BMPR1B: variants seen among roughly 807,000 people sequenced by gnomAD.
The protein encoded by BMPR1B is bone morphogenetic protein receptor type 1B.
BMPR1B carries 12 observed loss-of-function variants against 59.1 expected under a neutral mutation model. That is an observed-to-expected ratio of 0.20 (90% CI 0.13 to 0.33). The LOEUF (loss-of-function observed/expected upper bound fraction) is 0.33. Ranked by LOEUF, BMPR1B falls within the 10% of genes least tolerant of loss-of-function variation. The pLI, the probability that BMPR1B is intolerant of heterozygous loss-of-function variation, is 1.00. For synonymous variants in BMPR1B, 237 were observed against 207.3 expected (o/e 1.14, Z -1.23); for missense variants, 550 against 610.9 (o/e 0.90, Z 1.05).
At chr4:94,946,285 A>G (rs1265907095) in intron 2 of BMPR1B, among the ~76,000 whole-genome samples, 2 of 152,202 alleles carry the variant, frequency 1.3e-5, no homozygotes, top group Non-Finnish European at 1.5e-5. Context: ...AAGAATATAA[A>G]GTATTCGTTT....
chr4:94,915,516 T>G (rs3775014), intron 2 of BMPR1B, among the ~76,000 whole-genome samples: 17,230 of 152,240 alleles, frequency 0.11, 2,171 homozygotes, highest in African/African-American at 0.31. Flanking sequence ...TAAACATAGT[T>G]TGAACAAAAG....
chr4:94,807,630 T>TTA (rs1236371458), intron 1 of BMPR1B, among the ~76,000 whole-genome samples: 7 of 152,202 alleles, frequency 4.6e-5, no homozygotes, highest in African/African-American at 1.7e-4. Flanking sequence ...AGAAAGTTAA[T>TTA]TCAGTCTAGG....
intron 2 of BMPR1B, among the ~76,000 whole-genome samples, chr4:94,983,622 C>T (rs930628104): frequency 6.6e-5 from 10 of 152,148 alleles, no homozygotes; most frequent in African/African-American, 2.4e-4. Context: ...CTGTTACCAC[C>T]ACTTAAGGCC....
intron 3 of BMPR1B, among the ~76,000 whole-genome samples, chr4:95,089,577 G>C (rs1197706410): frequency 6.6e-6 from 1 of 152,138 alleles, no homozygotes; most frequent in Non-Finnish European, 1.5e-5. Flanking sequence ...AGTGCTTTAG[G>C]AGAATGTTTT....
At position 95,154,555 on chromosome 4, in the gene BMPR1B, G is replaced by A; in HGVS notation, c.1391G>A (p.Arg464Lys). The A allele has an allele frequency of 6.2e-7, 1 of 1,614,096 alleles. No individual in the cohort carries two copies. The highest frequency in any genetic ancestry group is 8.5e-7 in the Non-Finnish European group (1 of 1,179,974). ...PNRWSSDECL[R>K]QMGKLMTECW... ...AACATTTCTCTTCCTCAGTGTCTAAGGCAGATGGGAAAACTCATGACAGAA... is the reference window on the plus strand; with the variant it reads ...AACATTTCTCTTCCTCAGTGTCTAAAGCAGATGGGAAAACTCATGACAGAA... The change falls in exon 13 of 13, where the codon AGG becomes AAG. Residue 464 changes from arginine (R) to lysine (K), a missense_variant. Coordinates refer to ENST00000515059, the MANE Select transcript of BMPR1B (RefSeq NM_001203.3).
chr4:94,759,910 C>T (rs1321416310), intron 1 of BMPR1B, among the ~76,000 whole-genome samples: 1 of 152,202 alleles, frequency 6.6e-6, no homozygotes, highest in Non-Finnish European at 1.5e-5. Flanking sequence ...CTGATTTTCA[C>T]TGTTTTCTTT....
In BMPR1B at chr4:95,075,520, G is replaced by A. The variant is rs112811554; in HGVS notation, c.-17-28888G>A. The stretch of plus-strand genomic sequence containing the variant: ...AGCCATTGTGTACTTGAGTGTTTAT[G>A]CCCAGTTTTGATTGTTGTTTAATTT... On this transcript the variant is annotated intron_variant, in intron 3 of 12. Transcript: ENST00000515059. 7.3e-3 allele frequency among the ~76,000 whole-genome samples: 1,117 copies of A among 152,170 alleles called. 15 individuals carry two copies. Among genetic ancestry groups the A allele is most frequent in the African/African-American group, 0.025 (1,040 of 41,530 alleles).
rs1010410907 is a variant in BMPR1B, at chr4:95,034,627, G to A, written c.-18+38493G>A. On this transcript the variant is annotated intron_variant, in intron 3 of 12. Transcript: ENST00000515059. Reference sequence around the variant, plus strand: ...CATTGTTTCATTTTTTTATGGCTTAGTAGTATTCCATGTTTATATATATAT... The same window carrying A: ...CATTGTTTCATTTTTTTATGGCTTAATAGTATTCCATGTTTATATATATAT... Among the ~76,000 whole-genome samples, 3 of 147,338 alleles carry A rather than the reference G, an allele frequency of 2.0e-5. No homozygotes were observed. In the South Asian group the frequency reaches 6.5e-4, roughly 32 times the overall value.
At chr4:94,985,836 C>G (rs1448682900) in intron 2 of BMPR1B, among the ~76,000 whole-genome samples, 1 of 152,090 alleles carries the variant, frequency 6.6e-6, no homozygotes, top group Non-Finnish European at 1.5e-5. Context: ...TTCTTATTGC[C>G]TATCCCGATG....
chr4:94,898,766 C>T (rs547296744), intron 2 of BMPR1B, among the ~76,000 whole-genome samples: 1 of 152,158 alleles, frequency 6.6e-6, no homozygotes, highest in East Asian at 1.9e-4. Flanking sequence ...CTCAGACTCT[C>T]CAGCACACTA....
intron 1 of BMPR1B, among the ~76,000 whole-genome samples, chr4:94,785,003 T>G (rs1292621145): frequency 1.3e-5 from 2 of 152,078 alleles, no homozygotes; most frequent in African/African-American, 2.4e-5. Flanking sequence ...CCTCAAAATA[T>G]TAATACAAGA....
intron 1 of BMPR1B, among the ~76,000 whole-genome samples, chr4:94,770,956 G>A (rs547555852): frequency 6.7e-6 from 1 of 150,286 alleles, no homozygotes; most frequent in Non-Finnish European, 1.5e-5. Context: ...AAATTCTTCC[G>A]TGACCTTATA....
chr4:94,878,734 CTTT>C (rs542970645), intron 2 of BMPR1B, among the ~76,000 whole-genome samples: 7 of 127,308 alleles, frequency 5.5e-5, no homozygotes, highest in African/African-American at 5.8e-5. Context: ...ACAGGTTCTG[CTTT>C]TTTTTTTTTT....
intron 3 of BMPR1B, among the ~76,000 whole-genome samples, chr4:95,045,636 C>A (rs1000009617): frequency 2.0e-5 from 3 of 152,298 alleles, no homozygotes; most frequent in African/African-American, 7.2e-5. Flanking sequence ...ATGCCTCCCC[C>A]ACGCAAGTCC....
At chr4:95,034,870 G>T (rs904804916) in intron 3 of BMPR1B, among the ~76,000 whole-genome samples, 1 of 151,934 alleles carries the variant, frequency 6.6e-6, no homozygotes, top group African/African-American at 2.4e-5. Flanking sequence ...CTTCTATAGC[G>T]GTTGTACTAG....
chr4:95,017,386 C>T (rs1180868010), intron 3 of BMPR1B, among the ~76,000 whole-genome samples: 1 of 152,202 alleles, frequency 6.6e-6, no homozygotes, highest in Non-Finnish European at 1.5e-5. Flanking sequence ...TGTCTTCTTA[C>T]TGCATCACGA....
chr4:95,073,186 C>T (rs557677598), intron 3 of BMPR1B, among the ~76,000 whole-genome samples: 6 of 152,158 alleles, frequency 3.9e-5, no homozygotes, highest in East Asian at 3.9e-4. Context: ...TTAGAAGTGG[C>T]GGGCTTTGGA....
chr4:94,952,063 C>A (rs1263417189), intron 2 of BMPR1B, among the ~76,000 whole-genome samples: 2 of 152,076 alleles, frequency 1.3e-5, no homozygotes, highest in Admixed American at 6.6e-5. Context: ...TTATATTATT[C>A]TCTGATGGTA....
chr4:95,153,619 C>G (rs947474510), intron 12 of BMPR1B, among the ~76,000 whole-genome samples: 1 of 152,130 alleles, frequency 6.6e-6, no homozygotes, highest in Non-Finnish European at 1.5e-5. Context: ...CAGGCCGAGG[C>G]GGGTGGATCA....
Sources: gnomAD v4.1 joint callset for allele counts (sites outside exome capture counted in the v4.1 genomes callset) on GRCh38, gnomAD v4.1.1 for gene constraint, MANE v1.5 for transcripts, NCBI Gene and HGNC (gene_info 2026-07-23, HGNC 2026-07-21) for gene names.